The following ZKSCAN4 variants were observed in gnomAD, a reference collection of about 807,000 sequenced individuals.
ZKSCAN4 encodes zinc finger protein with KRAB and SCAN domains 4.
Under a neutral mutation model 30.8 loss-of-function variants are expected in ZKSCAN4, and 23 were observed. The observed-to-expected ratio is 0.75, with a 90% CI of 0.54 to 1.06. ZKSCAN4 has a LOEUF of 1.06. Among genes scored for constraint, ZKSCAN4 ranks in the 50% least tolerant of loss-of-function variants. The pLI is 0.00. For missense variants in ZKSCAN4, 556 were observed against 665.4 expected (o/e 0.84, Z 1.81); for synonymous variants, 208 against 252.5 (o/e 0.82, Z 1.67).
chr6:28,250,546 C>CAAAA (rs71303501), intron 1 of ZKSCAN4, among the ~76,000 whole-genome samples: 1 of 151,704 alleles, frequency 6.6e-6, no homozygotes, highest in Non-Finnish European at 1.5e-5. Flanking sequence ...GCTAAATTCT[C>CAAAA]AATACTAATA....
rs759754349 is a variant in ZKSCAN4, at chr6:28,248,132, G to A, written c.589C>T (p.Leu197Phe). ...TCTCTGCAGCACCCTCCCTGGGCAA[G>A]CCCAGGAACCTGGAGAACTAAGAAA... ...LHDRVLQVPG[L>F]AQGGCCREDA... is the part of the protein sequence containing the mutation. Residue 197 changes from leucine (L) to phenylalanine (F), a missense_variant, in exon 3 of 5, where the codon CTT becomes TTT. Physicochemically the swap from Leu to Phe is conservative, Grantham distance 22. Coordinates refer to ENST00000377294, the MANE Select transcript of ZKSCAN4 (RefSeq NM_019110.5). 1 of 1,613,604 alleles carries A rather than the reference G, an allele frequency of 6.2e-7. No individual in the cohort carries two copies. Among genetic ancestry groups the A allele is most frequent in the South Asian group, 1.1e-5 (1 of 90,916 alleles).
intron 4 of ZKSCAN4, 91 bp downstream of exon 4, chr6:28,246,878 A>G: frequency 7.1e-7 from 1 of 1,400,094 alleles, no homozygotes; most frequent in Non-Finnish European, 9.6e-7. Flanking sequence ...TCCAAACATA[A>G]TGGGGGCTTA....
At chr6:28,250,532 T>C (rs1760949969) in intron 1 of ZKSCAN4, among the ~76,000 whole-genome samples, 1 of 126,150 alleles carries the variant, frequency 7.9e-6, no homozygotes, top group Non-Finnish European at 1.5e-5. Flanking sequence ...CTTTGGACAC[T>C]GGTGCTAAAT....
Position 28,252,117 on chromosome 6 carries a change from CCT to C in ZKSCAN4, c.-139_-138del, listed in dbSNP as rs1419245380. ...TCATGCCCAGGGGCCCAGGACACCCCCTGAGGCGCAGCTGCACAGATCTCTCT... is the reference window on the plus strand; with the variant it reads ...TCATGCCCAGGGGCCCAGGACACCCCGAGGCGCAGCTGCACAGATCTCTCT... On this transcript the variant is annotated 5_prime_UTR_variant, in exon 1 of 5. Transcript: ENST00000377294. 6 of 903,468 alleles carry C rather than the reference CCT, an allele frequency of 6.6e-6. No individual in the cohort carries two copies. The highest frequency in any genetic ancestry group is 3.3e-5 in the African/African-American group (2 of 60,372). The allele number at this position is 903,468 out of a possible 1,614,324, so 56.0% of individuals were successfully genotyped here.
rs1760620816 is a variant in ZKSCAN4 at position 28,244,559 on chromosome 6, C to T, written c.*557G>A. The T allele has an allele frequency of 5.9e-6, 1 of 168,654 alleles. No individual in the cohort carries two copies. Among genetic ancestry groups the T allele is most frequent in the Admixed American group, 5.6e-5 (1 of 17,986 alleles). 10.4% of individuals were successfully genotyped at this position (168,654 alleles called of 1,614,324 possible). ...TAGATTGGCCCAGAATCTAGAACCT[C>T]AGAGAATAATACATAAATTCAAATG... is the stretch of plus-strand genomic sequence containing the variant. On this transcript the variant is annotated 3_prime_UTR_variant, in exon 5 of 5. Transcript: ENST00000377294.
chr6:28,257,555 A>T, the ZKSCAN4 span, among the ~76,000 whole-genome samples: 27 of 151,498 alleles, frequency 1.8e-4, no homozygotes, highest in Middle Eastern at 3.4e-3. Flanking sequence ...AATAAAAATT[A>T]AAAAAAAACA....
the ZKSCAN4 span, among the ~76,000 whole-genome samples, chr6:28,258,760 C>T: frequency 1.3e-5 from 1 of 74,558 alleles, no homozygotes; most frequent in East Asian, 3.6e-4. Context: ...AGAGTGAGAT[C>T]CTGTCTCCAA....
intron 2 of ZKSCAN4, 98 bp from the exon 3 acceptor site, chr6:28,248,247 C>A: frequency 1.2e-6 from 1 of 842,396 alleles, no homozygotes; most frequent in Non-Finnish European, 1.9e-6. Context: ...AAGTTCTTGC[C>A]AATAAGTTTA....
At chr6:28,247,622 A>G (rs1203638860) in intron 3 of ZKSCAN4, among the ~76,000 whole-genome samples, 2 of 152,246 alleles carry the variant, frequency 1.3e-5, no homozygotes, top group African/African-American at 4.8e-5. Flanking sequence ...CAAGATAACT[A>G]TGCCTTATCT....
upstream of ZKSCAN4, among the ~76,000 whole-genome samples, chr6:28,255,789 G>A (rs1002462807): frequency 2.0e-5 from 3 of 151,832 alleles, no homozygotes; most frequent in African/African-American, 2.4e-5. Context: ...GGTCCTGGTT[G>A]GGCTTACTTT....
upstream of ZKSCAN4, among the ~76,000 whole-genome samples, chr6:28,254,970 A>T (rs759869637): frequency 6.6e-6 from 1 of 152,224 alleles, no homozygotes; most frequent in East Asian, 1.9e-4. Context: ...GTAACCCGGT[A>T]TCTTGCTTAT....
intron 2 of ZKSCAN4, 62 bp from the exon 3 acceptor site, chr6:28,248,211 A>AAAAG: frequency 7.4e-7 from 1 of 1,346,722 alleles, no homozygotes; most frequent in East Asian, 2.4e-5. Context: ...CACCTTGCAA[A>AAAAG]ATCCAAGTTC....
chr6:28,246,282 C>T (rs895201768), intron 4 of ZKSCAN4, among the ~76,000 whole-genome samples: 2 of 151,956 alleles, frequency 1.3e-5, no homozygotes, highest in South Asian at 4.2e-4. Context: ...CAGGGCCATG[C>T]ACCTAGGATT....
the ZKSCAN4 span, among the ~76,000 whole-genome samples, chr6:28,257,849 C>T: frequency 6.6e-6 from 1 of 152,202 alleles, no homozygotes; most frequent in Non-Finnish European, 1.5e-5. Context: ...TTCAAGTCTA[C>T]ATCAGATACT....
chr6:28,244,973 T>G lies in ZKSCAN4; in HGVS notation c.*143A>C. ...AGAATGTAGAAGATAACTCATCGTC[T>G]CAGCCAGACTACATTTTCTAATACC... On this transcript the variant is annotated 3_prime_UTR_variant, in exon 5 of 5. Transcript: ENST00000377294. 5 of 1,065,086 alleles carry G rather than the reference T, an allele frequency of 4.7e-6. No homozygotes were observed. The highest frequency in any genetic ancestry group is 7.2e-6 in the Non-Finnish European group (5 of 693,504). The allele number at this position is 1,065,086 out of a possible 1,614,324, so 66.0% of individuals were successfully genotyped here. A position where few individuals can be genotyped will look rare whatever the true frequency, so the allele number is the denominator to read the frequency against.
chr6:28,246,915 T>C, intron 4 of ZKSCAN4, 54 bp downstream of exon 4: 2 of 1,567,976 alleles, frequency 1.3e-6, no homozygotes, highest in Non-Finnish European at 1.7e-6. Context: ...CAATAGGTTC[T>C]AATACGCAAA....
upstream of ZKSCAN4, among the ~76,000 whole-genome samples, chr6:28,255,988 C>T (rs1300316714): frequency 6.6e-6 from 1 of 152,172 alleles, no homozygotes. Context: ...GCATTCATGA[C>T]TGAAATAGTT....
intron 4 of ZKSCAN4, 88 bp downstream of exon 4, chr6:28,246,881 G>A (rs991375071): frequency 4.3e-6 from 6 of 1,400,340 alleles, no homozygotes; most frequent in Non-Finnish European, 5.7e-6. Flanking sequence ...AAACATAATG[G>A]GGGCTTAACA....
the ZKSCAN4 span, among the ~76,000 whole-genome samples, chr6:28,257,454 A>C: frequency 6.6e-6 from 1 of 152,176 alleles, no homozygotes; most frequent in African/African-American, 2.4e-5. Context: ...TAAAACCTAG[A>C]TGATGGGTTG....
Sources: gnomAD v4.1 joint callset for allele counts (sites outside exome capture counted in the v4.1 genomes callset) on GRCh38, gnomAD v4.1.1 for gene constraint, MANE v1.5 for transcripts, NCBI Gene and HGNC (gene_info 2026-07-23, HGNC 2026-07-21) for gene names.